Variants in UNC79 observed in about 807,000 individuals in gnomAD.
UNC79 encodes the protein unc-79 subunit of NALCN channel complex.
UNC79 carries 37 observed loss-of-function variants against 283.1 expected under a neutral mutation model. The observed-to-expected ratio is 0.13, with a 90% CI of 0.10 to 0.17. The LOEUF is 0.17. UNC79 is among the 10% of genes least tolerant of loss of function. The pLI is 1.00. For synonymous variants in UNC79, 1,107 were observed against 1,200.2 expected, an observed-to-expected ratio of 0.92 and a Z score of 1.61; for missense variants, 2,272 against 3,211.1, an observed-to-expected ratio of 0.71 and a Z score of 7.07.
chr14:93,514,492 T>G (rs2059968027), intron 7 of UNC79, among the ~76,000 whole-genome samples: 1 of 152,212 alleles, frequency 6.6e-6, no homozygotes, highest in African/African-American at 2.4e-5. Context: ...ATCTCTGTTC[T>G]GCTTTCAACC....
At chr14:93,604,985 G>T in intron 26 of UNC79, 24 bp downstream of exon 27, 1 of 1,564,112 alleles carries the variant, frequency 6.4e-7, no homozygotes, top group Non-Finnish European at 8.6e-7. Flanking sequence ...ACATTGAAGG[G>T]CCATGTACAA....
At chr14:93,674,580 G>T (rs1034265731) in intron 41 of UNC79, among the ~76,000 whole-genome samples, 1 of 152,142 alleles carries the variant, frequency 6.6e-6, no homozygotes. Context: ...GTCAGCACTC[G>T]CTGATGAGCA....
intron 1 of UNC79, among the ~76,000 whole-genome samples, chr14:93,449,186 T>C (rs1172557433): frequency 6.6e-6 from 1 of 152,230 alleles, no homozygotes; most frequent in Non-Finnish European, 1.5e-5. Context: ...TTATCCTCAT[T>C]GATCTGTCTA....
At chr14:93,442,372 G>A (rs143569533) in intron 1 of UNC79, among the ~76,000 whole-genome samples, 13 of 151,964 alleles carry the variant, frequency 8.6e-5, no homozygotes, top group Admixed American at 2.0e-4. Flanking sequence ...TCTACTGTAC[G>A]TTTTAAAAAT....
intron 24 of UNC79, among the ~76,000 whole-genome samples, chr14:93,599,232 T>C (rs1036566794): frequency 6.6e-6 from 1 of 152,232 alleles, no homozygotes; most frequent in Non-Finnish European, 1.5e-5. Flanking sequence ...CTTTTGTGTG[T>C]TCTCATTTTA....
At chr14:93,395,607 G>T (rs1410041176) in intron 1 of UNC79, among the ~76,000 whole-genome samples, 1 of 152,232 alleles carries the variant, frequency 6.6e-6, no homozygotes, top group African/African-American at 2.4e-5. Context: ...AGTTCAACAT[G>T]AGATTTGGGT....
intron 12 of UNC79, among the ~76,000 whole-genome samples, chr14:93,540,272 A>G (rs537410901): frequency 6.6e-6 from 1 of 152,358 alleles, no homozygotes; most frequent in Admixed American, 6.5e-5. Context: ...AAGCTCCTCA[A>G]CCTTTCCTTG....
intron 38 of UNC79, among the ~76,000 whole-genome samples, chr14:93,658,463 C>G (rs544789267): frequency 6.6e-6 from 1 of 152,314 alleles, no homozygotes; most frequent in Admixed American, 6.5e-5. Flanking sequence ...AGGTGCACAG[C>G]TGCAGAAATT....
At chr14:93,600,595 G>A in exon 25 of UNC79, 2 of 1,611,010 alleles carry the variant, frequency 1.2e-6, no homozygotes, top group Non-Finnish European at 1.7e-6. Context: ...TTGACTTCCA[G>A]TTTGATACTG....
chr14:93,655,850 AC>A (rs1430579883), intron 38 of UNC79, among the ~76,000 whole-genome samples: 1 of 152,136 alleles, frequency 6.6e-6, no homozygotes, highest in East Asian at 1.9e-4. Flanking sequence ...TTTCTGCTTG[AC>A]TGTTACCCCC....
chr14:93,433,334 T>C lies in UNC79; in HGVS notation c.22+2283T>C, dbSNP rs181436276. Among the ~76,000 whole-genome samples the C allele has an allele frequency of 2.7e-3, 408 of 152,346 alleles. 1 individual carries two copies. Among genetic ancestry groups the C allele is most frequent in the African/African-American group, 9.3e-3 (386 of 41,570 alleles). On this transcript the variant is annotated intron_variant, in intron 1 of 48. Transcript: ENST00000555664. The stretch of plus-strand genomic sequence containing the variant: ...ATGAAGGTAATTAAGGAATCTCTTT[T>C]CTTTTTCTGTTAATATGCACTAACA...
chr14:93,694,455 A>G, intron 47 of UNC79, 43 bp downstream of exon 50: 2 of 1,537,230 alleles, frequency 1.3e-6, no homozygotes, highest in East Asian at 2.3e-5. Context: ...TCTTACTGCT[A>G]AAAACAAATG....
chr14:93,674,628 G>A lies in UNC79; in HGVS notation c.6741+1173G>A, dbSNP rs962125527. Among the ~76,000 whole-genome samples, 4 of 152,308 alleles carry A rather than the reference G, an allele frequency of 2.6e-5. No homozygotes were observed. In the East Asian group the frequency reaches 7.7e-4, roughly 29 times the overall value. Reference sequence around the variant, plus strand: ...CCAGAGTCTGGGCCTACAAGCTGAGGGTTAAATGATTGAAGGAATATGGGA... The same window carrying A: ...CCAGAGTCTGGGCCTACAAGCTGAGAGTTAAATGATTGAAGGAATATGGGA... On this transcript the variant is annotated intron_variant, in intron 41 of 48. Transcript: ENST00000555664.
chr14:93,402,977 A>G (rs1346511043), intron 1 of UNC79, among the ~76,000 whole-genome samples: 2 of 152,182 alleles, frequency 1.3e-5, no homozygotes, highest in African/African-American at 2.4e-5. Context: ...ACATCAATTA[A>G]TATGTGTAAG....
At chr14:93,651,030 A>T (rs2070190218) in intron 35 of UNC79, among the ~76,000 whole-genome samples, 1 of 152,152 alleles carries the variant, frequency 6.6e-6, no homozygotes, top group Non-Finnish European at 1.5e-5. Flanking sequence ...AGCACAGTTA[A>T]AAAAGATATT....
chr14:93,493,980 T>C (rs2058890666), intron 5 of UNC79, among the ~76,000 whole-genome samples: 1 of 144,838 alleles, frequency 6.9e-6, no homozygotes, highest in Non-Finnish European at 1.5e-5. Flanking sequence ...CTCAGCTCAC[T>C]GCAACTTCCG....
intron 47 of UNC79, among the ~76,000 whole-genome samples, chr14:93,700,247 T>C (rs541346360): frequency 3.9e-5 from 6 of 152,254 alleles, no homozygotes; most frequent in African/African-American, 1.4e-4. Context: ...TATGCCTTGG[T>C]AGAGTTTTCT....
Position 93,474,348 on chromosome 14 carries a change from G to T in UNC79, c.403G>T (p.Val135Leu). The T allele has an allele frequency of 6.5e-7, 1 of 1,535,996 alleles. No individual in the cohort carries two copies. Among genetic ancestry groups the T allele is most frequent in the Non-Finnish European group, 8.7e-7 (1 of 1,146,846 alleles). ...CTACCAAGGCCTCTACGTGACTTTG[G>T]TGACCCTCCTGGATCTAGTTCCTTT... Residue 135 changes from valine to leucine, a missense_variant, in exon 3 of 49, where the codon GTG becomes TTG. Physicochemically the swap from Val to Leu is conservative, Grantham distance 32. Around this residue, in one of 11 missense-constraint regions of UNC79, gnomAD observed 194 missense variants for 268.9 expected, o/e 0.72. Transcript: ENST00000555664. This position sits in a 1 kb window ranked among gnomAD's most constrained non-coding sequence, Gnocchi z 4.1.
intron 6 of UNC79, among the ~76,000 whole-genome samples, chr14:93,496,678 A>C (rs1453456500): frequency 2.6e-5 from 4 of 152,210 alleles, no homozygotes; most frequent in Admixed American, 1.3e-4. Flanking sequence ...TTGACGGATA[A>C]AGTAATTGAA....
Sources: gnomAD v4.1 joint callset for allele counts (sites outside exome capture counted in the v4.1 genomes callset) on GRCh38, gnomAD v4.1.1 for gene constraint, gnomAD v4.1.1 regional missense constraint, Gnocchi (gnomAD v3.1) non-coding constraint, MANE v1.5 for transcripts, NCBI Gene and HGNC (gene_info 2026-07-23, HGNC 2026-07-21) for gene names.